PAX7: variants seen among roughly 807,000 people sequenced by gnomAD.
PAX7 encodes paired box protein Pax-7.
A neutral mutation model predicts 50.7 loss-of-function variants in PAX7; 18 were observed. The observed-to-expected ratio is 0.36, with a 90% CI of 0.25 to 0.53. The LOEUF (loss-of-function observed/expected upper bound fraction) is 0.53. Ranked by LOEUF, PAX7 falls within the 20% of genes least tolerant of loss-of-function variation. The pLI is 0.93. For missense variants in PAX7, 644 were observed against 702.9 expected (o/e 0.92, Z 0.95); for synonymous variants, 310 against 290.4 (o/e 1.07, Z -0.69).
intron 7 of PAX7, among the ~76,000 whole-genome samples, chr1:18,721,407 C>T (rs2089492165): frequency 6.6e-6 from 1 of 152,228 alleles, no homozygotes; most frequent in African/African-American, 2.4e-5. Flanking sequence ...ACTGAGCTTC[C>T]CGAATCCCTT....
intron 4 of PAX7, among the ~76,000 whole-genome samples, chr1:18,680,212 C>T (rs2088877666): frequency 6.6e-6 from 1 of 152,080 alleles, no homozygotes; most frequent in African/African-American, 2.4e-5. Context: ...GCATCAGTAC[C>T]CTAGGGAATA....
chr1:18,671,558 C>T (rs189545389), intron 4 of PAX7, among the ~76,000 whole-genome samples: 3 of 151,674 alleles, frequency 2.0e-5, no homozygotes, highest in Admixed American at 1.3e-4. Flanking sequence ...CCTGGGAGGA[C>T]GACCTTGGAG....
rs1381757496 is a variant in PAX7 at position 18,632,718 on chromosome 1, G to A, written c.85+1030G>A. On this transcript the variant is annotated intron_variant, in intron 1 of 8. Coordinates refer to ENST00000420770, the MANE Select transcript of PAX7 (RefSeq NM_001135254.2). This position sits in a 1 kb window ranked among gnomAD's most constrained non-coding sequence, Gnocchi z 6.3. ...TGAGGAAGGGGAGAGGAGGCAGGGA[G>A]GGGGTGGGTGGGCTGGCAGCCTGCG... Among the ~76,000 whole-genome samples, 1 of 151,718 alleles carries A rather than the reference G, an allele frequency of 6.6e-6. No homozygotes were observed. The highest frequency in any genetic ancestry group is 1.5e-5 in the Non-Finnish European group (1 of 67,846).
chr1:18,703,190 C>T lies in PAX7; in HGVS notation c.1049C>T (p.Ser350Phe). The T allele has an allele frequency of 1.2e-6, 2 of 1,613,708 alleles. No homozygotes were observed. Among genetic ancestry groups the T allele is most frequent in the Non-Finnish European group, 1.7e-6 (2 of 1,179,942 alleles). Residue 350 changes from serine (S) to phenylalanine (F), a missense_variant, in exon 7 of 9, where the codon TCT (serine) becomes TTT (phenylalanine). Physicochemically the swap from Ser to Phe is radical, Grantham distance 155 (BLOSUM62 -2). Coordinates refer to ENST00000420770, the MANE Select transcript of PAX7 (RefSeq NM_001135254.2). ...AAAAAAADTS[S>F]AYGARHSFSS... ...GCGGCTGCAGCCGCCGACACCAGCTCTGCCTACGGAGCCCGCCACAGCTTC... is the reference window on the plus strand; with the variant it reads ...GCGGCTGCAGCCGCCGACACCAGCTTTGCCTACGGAGCCCGCCACAGCTTC...
chr1:18,738,403 C>T (rs1397001724), intron 8 of PAX7, among the ~76,000 whole-genome samples: 2 of 152,100 alleles, frequency 1.3e-5, no homozygotes, highest in Non-Finnish European at 2.9e-5. Flanking sequence ...CTGCTCAATT[C>T]GGAAATAAAA....
At chr1:18,672,994 T>C (rs2088774782) in intron 4 of PAX7, among the ~76,000 whole-genome samples, 1 of 152,070 alleles carries the variant, frequency 6.6e-6, no homozygotes, top group African/African-American at 2.4e-5. Context: ...TAAAAGATTG[T>C]GGATGCAGCA....
At chr1:18,728,576 C>T (rs1038603863) in intron 7 of PAX7, among the ~76,000 whole-genome samples, 1 of 152,054 alleles carries the variant, frequency 6.6e-6, no homozygotes, top group Admixed American at 6.6e-5. Context: ...AAACTCCTGA[C>T]CTGACCGGGC....
intron 7 of PAX7, among the ~76,000 whole-genome samples, chr1:18,725,317 C>G (rs2236811): frequency 2.9e-5 from 4 of 138,374 alleles, no homozygotes; most frequent in South Asian, 5.0e-4. Context: ...CCCCCCGCCC[C>G]ACCAACACCG....
intron 7 of PAX7, among the ~76,000 whole-genome samples, chr1:18,725,170 C>T (rs982245663): frequency 6.6e-6 from 1 of 152,160 alleles, no homozygotes; most frequent in Non-Finnish European, 1.5e-5. Flanking sequence ...GCTATCACGG[C>T]CCTGAGTCCT....
At chr1:18,663,378 TTGTTTTGTTC>T (rs2088626222) in intron 4 of PAX7, among the ~76,000 whole-genome samples, 2 of 152,182 alleles carry the variant, frequency 1.3e-5, no homozygotes, top group Non-Finnish European at 2.9e-5. Flanking sequence ...GGGGTTTGTT[TTGTTTTGTTC>T]TGTTTTGTTT....
At chr1:18,707,810 C>A (rs1192336944) in intron 7 of PAX7, among the ~76,000 whole-genome samples, 1 of 152,146 alleles carries the variant, frequency 6.6e-6, no homozygotes, top group African/African-American at 2.4e-5. Context: ...TTGGCTGGTG[C>A]AAGAAGAAAC....
intron 7 of PAX7, among the ~76,000 whole-genome samples, chr1:18,717,913 C>A (rs993324121): frequency 3.3e-5 from 5 of 152,212 alleles, no homozygotes; most frequent in Non-Finnish European, 4.4e-5. Context: ...GGGTCTGCAG[C>A]CCCCTCTTAG....
chr1:18,714,966 C>T (rs1191355361), intron 7 of PAX7, among the ~76,000 whole-genome samples: 1 of 152,238 alleles, frequency 6.6e-6, no homozygotes, highest in Non-Finnish European at 1.5e-5. Flanking sequence ...ATACAGCAGG[C>T]AGACTTAGAG....
intron 7 of PAX7, among the ~76,000 whole-genome samples, chr1:18,729,145 C>G (rs2089615132): frequency 1.3e-5 from 2 of 152,236 alleles, no homozygotes; most frequent in African/African-American, 2.4e-5. Context: ...GCAATTCAGA[C>G]AAAGCATTCT....
intron 7 of PAX7, among the ~76,000 whole-genome samples, chr1:18,706,106 T>C (rs2089279957): frequency 6.6e-6 from 1 of 151,966 alleles, no homozygotes; most frequent in Non-Finnish European, 1.5e-5. Context: ...GCTCCCGGGG[T>C]TGCTAGGCTC....
chr1:18,642,156 C>T (rs886640750), intron 4 of PAX7, among the ~76,000 whole-genome samples: 2 of 150,940 alleles, frequency 1.3e-5, no homozygotes, highest in Non-Finnish European at 2.9e-5. Flanking sequence ...TTATATAAAA[C>T]ATATTTTTAT....
chr1:18,678,952 A>G (rs556616611), intron 4 of PAX7, among the ~76,000 whole-genome samples: 1 of 152,316 alleles, frequency 6.6e-6, no homozygotes, highest in African/African-American at 2.4e-5. Flanking sequence ...TCACTCTGCC[A>G]TTGAGTTACT....
chr1:18,711,852 G>A (rs1225775539), intron 7 of PAX7, among the ~76,000 whole-genome samples: 1 of 152,136 alleles, frequency 6.6e-6, no homozygotes, highest in Non-Finnish European at 1.5e-5. Flanking sequence ...GATCTTCTTG[G>A]ACCTGAAGCC....
chr1:18,729,981 T>G (rs2089626157), intron 7 of PAX7, among the ~76,000 whole-genome samples: 1 of 152,132 alleles, frequency 6.6e-6, no homozygotes, highest in African/African-American at 2.4e-5. Flanking sequence ...TCCCAGAGTC[T>G]GCTTCCAAGT....
Sources: gnomAD v4.1 joint callset for allele counts (sites outside exome capture counted in the v4.1 genomes callset) on GRCh38, gnomAD v4.1.1 for gene constraint, Gnocchi (gnomAD v3.1) non-coding constraint, MANE v1.5 for transcripts, NCBI Gene and HGNC (gene_info 2026-07-23, HGNC 2026-07-21) for gene names.